The following SLCO2A1 variants were observed in gnomAD, a reference collection of about 807,000 sequenced individuals.
SLCO2A1 encodes the protein solute carrier organic anion transporter family member 2A1.
In SLCO2A1, 60 loss-of-function variants were observed where a neutral mutation model predicts 71.7. The observed-to-expected ratio is 0.84, with a 90% confidence interval of 0.68 to 1.04. The LOEUF is 1.04. SLCO2A1 is among the 50% of genes least tolerant of loss of function. SLCO2A1 has a pLI of 0.00. For missense variants in SLCO2A1, 745 were observed against 813.4 expected (o/e 0.92, Z 1.02); for synonymous variants, 308 against 326.7 (o/e 0.94, Z 0.62).
At chr3:133,947,480 C>G (rs1487771226) in intron 8 of SLCO2A1, 35 bp from the exon 9 acceptor site, 4 of 1,569,252 alleles carry the variant, frequency 2.5e-6, no homozygotes, top group Middle Eastern at 2.0e-4. Context: ...TCCAGGTGCA[C>G]AGGCCTGGGA....
Position 133,947,363 on chromosome 3 carries a change from G to A in SLCO2A1, c.1188C>T (p.Ala396=). The change falls in exon 9 of 14, where the codon GCC becomes GCT. Residue 396 remains alanine (A), a synonymous_variant. Transcript: ENST00000310926. Reference sequence around the variant, plus strand: ...TGATGGTGGTAGCTATGCGGGGAATGGCTTGTAGAGAGAAAACAAAGCGCT... The same window carrying A: ...TGATGGTGGTAGCTATGCGGGGAATAGCTTGTAGAGAGAAAACAAAGCGCT... ...LMKRFVFSLQ[A]IPRIATTIIT... is the part of the protein sequence containing the mutation. 1 of 1,614,066 alleles carries A rather than the reference G, an allele frequency of 6.2e-7. No homozygotes were observed. Among genetic ancestry groups the A allele is most frequent in the Non-Finnish European group, 8.5e-7 (1 of 1,180,002 alleles).
Position 133,973,764 on chromosome 3 carries a change from C to A in SLCO2A1, c.296G>T (p.Arg99Leu). 1.1e-5 allele frequency: 18 copies of A among 1,614,044 alleles called. No individual in the cohort carries two copies. Among genetic ancestry groups the A allele is most frequent in the Non-Finnish European group, 1.4e-5 (16 of 1,180,002 alleles). The change falls in exon 3 of 14, where the codon CGT becomes CTT. Residue 99 changes from arginine to leucine, a missense_variant. Coordinates refer to ENST00000310926, the MANE Select transcript of SLCO2A1 (RefSeq NM_005630.3). ...SYFGSRVHRP[R>L]LIGIGGLFLA... The stretch of plus-strand genomic sequence containing the variant: ...GAAGAGACCTCCGATGCCAATCAGA[C>A]GTGGACGGTGCACCCGGCTGCCAAA...
At chr3:134,022,684 T>C (rs966312021) in intron 1 of SLCO2A1, among the ~76,000 whole-genome samples, 25 of 152,230 alleles carry the variant, frequency 1.6e-4, no homozygotes, top group African/African-American at 2.4e-5. Flanking sequence ...GAAGGTTTTA[T>C]TAAAATTAGG....
intron 1 of SLCO2A1, among the ~76,000 whole-genome samples, chr3:133,998,485 G>A (rs903965293): frequency 6.6e-6 from 1 of 150,868 alleles, no homozygotes; most frequent in Non-Finnish European, 1.5e-5. Context: ...ATTCCCAGGC[G>A]CTCCTGTCCA....
intron 1 of SLCO2A1, among the ~76,000 whole-genome samples, chr3:133,989,178 A>G (rs1934781603): frequency 6.6e-6 from 1 of 152,242 alleles, no homozygotes; most frequent in Non-Finnish European, 1.5e-5. Context: ...GATAAAGGGA[A>G]GAACCTCAAA....
intron 1 of SLCO2A1, among the ~76,000 whole-genome samples, chr3:134,021,442 A>G (rs1935574028): frequency 6.6e-6 from 1 of 152,186 alleles, no homozygotes; most frequent in South Asian, 2.1e-4. Context: ...CCTGTAAGCC[A>G]GGGAATGCAG....
chr3:134,028,808 T>C (rs919265600), intron 1 of SLCO2A1, among the ~76,000 whole-genome samples: 1 of 152,208 alleles, frequency 6.6e-6, no homozygotes, highest in Non-Finnish European at 1.5e-5. Flanking sequence ...TCAGGAGGTA[T>C]CTTCCATTGT....
intron 3 of SLCO2A1, 116 bp from the exon 4 acceptor site, chr3:133,955,309 G>T: frequency 1.3e-6 from 1 of 775,118 alleles, no homozygotes; most frequent in South Asian, 1.8e-5. Context: ...TTGGCCAGAG[G>T]CTGTGCTAGC....
intron 12 of SLCO2A1, among the ~76,000 whole-genome samples, chr3:133,936,334 A>T (rs1269005222): frequency 6.6e-6 from 1 of 152,160 alleles, no homozygotes; most frequent in African/African-American, 2.4e-5. Flanking sequence ...ACACTGTAAC[A>T]CAGCCAAGAG....
intron 1 of SLCO2A1, among the ~76,000 whole-genome samples, chr3:133,994,348 C>T (rs1934915935): frequency 6.6e-6 from 1 of 152,194 alleles, no homozygotes; most frequent in African/African-American, 2.4e-5. Flanking sequence ...CTTGCTCCAC[C>T]ATGCTGCCTG....
intron 3 of SLCO2A1, 38 bp downstream of exon 3, chr3:133,973,625 T>C: frequency 6.2e-7 from 1 of 1,607,474 alleles, no homozygotes. Context: ...TGTTCACCCA[T>C]TCCTTACCCC....
chr3:133,955,235 C>CACCACCA (rs770684690), intron 3 of SLCO2A1, 42 bp from the exon 4 acceptor site: 18 of 1,549,410 alleles, frequency 1.2e-5, no homozygotes, highest in Admixed American at 1.8e-5. Flanking sequence ...CCCTGGTCTC[C>CACCACCA]TGGTTCCACC....
chr3:133,959,566 T>A (rs1476357790), intron 3 of SLCO2A1, among the ~76,000 whole-genome samples: 2 of 152,158 alleles, frequency 1.3e-5, no homozygotes, highest in Non-Finnish European at 2.9e-5. Flanking sequence ...GGCGCGCACC[T>A]GTAATCCCAA....
At position 133,971,316 on chromosome 3, in the gene SLCO2A1, G is replaced by A. The variant is rs143894066; in HGVS notation, c.397+2347C>T. On this transcript the variant is annotated intron_variant, in intron 3 of 13. Coordinates refer to ENST00000310926, the MANE Select transcript of SLCO2A1 (RefSeq NM_005630.3). ...CAGAGCTGGCCTCAAGCTCTCATTA[G>A]ACCAAGGGGGAGAAAGTGTATGGCA... Among the ~76,000 whole-genome samples, 136 of 152,382 alleles carry A rather than the reference G, an allele frequency of 8.9e-4. 1 individual carries two copies. The highest frequency in any genetic ancestry group is 1.7e-3 in the Non-Finnish European group (119 of 68,042).
At chr3:133,961,443 G>C (rs775802205) in intron 3 of SLCO2A1, among the ~76,000 whole-genome samples, 1 of 152,138 alleles carries the variant, frequency 6.6e-6, no homozygotes, top group African/African-American at 2.4e-5. Context: ...TTTGAACATT[G>C]TTGCTGACTT....
chr3:133,944,760 A>T (rs921713668), intron 10 of SLCO2A1, among the ~76,000 whole-genome samples: 3 of 152,228 alleles, frequency 2.0e-5, no homozygotes, highest in African/African-American at 7.2e-5. Context: ...GGACCCAGAG[A>T]TGCCCATGAG....
intron 1 of SLCO2A1, among the ~76,000 whole-genome samples, chr3:133,981,702 C>A (rs892105431): frequency 6.6e-6 from 1 of 152,138 alleles, no homozygotes; most frequent in Non-Finnish European, 1.5e-5. Context: ...CAAGGCTGGG[C>A]GCGGTGGCTC....
At chr3:133,954,726 C>A (rs1933838182) in intron 4 of SLCO2A1, among the ~76,000 whole-genome samples, 1 of 152,206 alleles carries the variant, frequency 6.6e-6, no homozygotes, top group Non-Finnish European at 1.5e-5. Context: ...ATAATATCAG[C>A]CTCCTCCTGG....
chr3:134,025,536 T>A (rs1559962832), intron 1 of SLCO2A1, among the ~76,000 whole-genome samples: 1 of 152,126 alleles, frequency 6.6e-6, no homozygotes, highest in Non-Finnish European at 1.5e-5. Flanking sequence ...AAGTTAGGAA[T>A]AAGCTGTGGT....
Sources: allele counts gnomAD v4.1 joint callset (sites outside exome capture counted in the v4.1 genomes callset), GRCh38; gene constraint gnomAD v4.1.1; transcripts MANE v1.5; gene names NCBI Gene and HGNC (gene_info 2026-07-23, HGNC 2026-07-21).